FNDC7: variants seen among roughly 807,000 people sequenced by gnomAD.
The protein encoded by FNDC7 is fibronectin type III domain containing 7.
In FNDC7, 66 loss-of-function variants were observed where a neutral mutation model predicts 74.2. The observed-to-expected ratio is 0.89, with a 90% CI of 0.73 to 1.09. The LOEUF (loss-of-function observed/expected upper bound fraction) is 1.09, where lower values mean the gene tolerates loss of function less well. Among genes scored for constraint, FNDC7 ranks in the 50% least tolerant of loss-of-function variants. FNDC7 has a pLI of 0.00. For synonymous variants in FNDC7, 307 were observed against 330.2 expected (o/e 0.93, Z 0.76); for missense variants, 829 against 893.4 (o/e 0.93, Z 0.92).
At chr1:108,715,105 CAGAT>C (rs1439360625) in intron 2 of FNDC7, among the ~76,000 whole-genome samples, 4 of 152,246 alleles carry the variant, frequency 2.6e-5, no homozygotes, top group Middle Eastern at 3.4e-3. Context: ...GGCTTTTCAA[CAGAT>C]AGAATGTGTT....
rs909815009 is a variant in FNDC7, at chr1:108,741,704, G to A, written c.2171-69G>A. The A allele has an allele frequency of 1.0e-5, 15 of 1,504,194 alleles. No individual in the cohort carries two copies. The Admixed American group carries it at 1.7e-4, about 17-fold the overall frequency. 93.2% of individuals were successfully genotyped at this position (1,504,194 alleles called of 1,614,324 possible). A position where few individuals can be genotyped will look rare whatever the true frequency, so the allele number is the denominator to read the frequency against. On this transcript the variant is annotated intron_variant, in intron 11 of 12. Transcript: ENST00000370017. ...ACATACACATAAAATCTCAGACACTGGTGCTTTTTAAGAAAATGTCTGCAT... is the reference window on the plus strand; with the variant it reads ...ACATACACATAAAATCTCAGACACTAGTGCTTTTTAAGAAAATGTCTGCAT...
chr1:108,735,787 G>GT (rs35902428), intron 10 of FNDC7, among the ~76,000 whole-genome samples: 31 of 151,502 alleles, frequency 2.0e-4, no homozygotes, highest in South Asian at 1.0e-3. Context: ...CAGAGAAATT[G>GT]TTTTTTTTTG....
intron 11 of FNDC7, among the ~76,000 whole-genome samples, chr1:108,739,728 T>C (rs1340870090): frequency 1.3e-5 from 2 of 152,168 alleles, no homozygotes; most frequent in Non-Finnish European, 2.9e-5. Flanking sequence ...TCCCAGGTGA[T>C]TTTGATACAC....
At chr1:108,716,601 T>C (rs1004248946) in intron 2 of FNDC7, among the ~76,000 whole-genome samples, 16 of 152,204 alleles carry the variant, frequency 1.1e-4, no homozygotes, top group African/African-American at 3.9e-4. Context: ...CTTTGTTCAT[T>C]TTTGCAGCAT....
chr1:108,735,568 G>A (rs1570735776), intron 10 of FNDC7, among the ~76,000 whole-genome samples: 1 of 151,888 alleles, frequency 6.6e-6, no homozygotes, highest in East Asian at 1.9e-4. Flanking sequence ...AGTAAAAAGA[G>A]GTGAAATTAA....
chr1:108,737,622 C>A (rs1016150262), intron 11 of FNDC7, 98 bp downstream of exon 11: 3 of 934,758 alleles, frequency 3.2e-6, no homozygotes, highest in African/African-American at 3.4e-5. Flanking sequence ...AAAGCAAATG[C>A]TTTCTTTCTT....
chr1:108,719,142 A>C, intron 4 of FNDC7, 93 bp downstream of exon 4: 9 of 1,399,618 alleles, frequency 6.4e-6, no homozygotes, highest in Non-Finnish European at 8.8e-6. Context: ...GTTACATGAC[A>C]AGTACAGAGC....
rs141850435 is a variant in FNDC7, at chr1:108,716,320, GGTGTGTGTGT to G, written c.83-1410_83-1401del. Among the ~76,000 whole-genome samples the G allele has an allele frequency of 7.9e-3, 760 of 95,746 alleles. 7 individuals carry two copies. The highest frequency in any genetic ancestry group is 0.022 in the African/African-American group (569 of 26,196). The allele number at this position is 95,746 out of a possible 152,430, so 62.8% of individuals were successfully genotyped here. ...TCATTAGCTTGGGGAGCAGAAGAGA[GGTGTGTGTGT>G]GTGTGTGTGTGTGTGTGTGTGTGTG... is the stretch of plus-strand genomic sequence containing the variant. On this transcript the variant is annotated intron_variant, in intron 2 of 12. Transcript: ENST00000370017.
intron 10 of FNDC7, chr1:108,734,185 T>C (rs1661457999): frequency 6.6e-6 from 1 of 152,236 alleles, no homozygotes; most frequent in Non-Finnish European, 1.5e-5. Context: ...ATGATAGACA[T>C]CCTGGGATGT....
intron 9 of FNDC7, among the ~76,000 whole-genome samples, chr1:108,732,050 T>G (rs1322373432): frequency 6.6e-6 from 1 of 152,102 alleles, no homozygotes; most frequent in Admixed American, 6.5e-5. Context: ...CTCAAGGTAT[T>G]TAGAAAAGGA....
chr1:108,721,775 C>T (rs1661098144), intron 4 of FNDC7, among the ~76,000 whole-genome samples: 1 of 152,160 alleles, frequency 6.6e-6, no homozygotes, highest in Non-Finnish European at 1.5e-5. Flanking sequence ...TCCTTCCTTC[C>T]TTTTGATAAT....
chr1:108,727,663 G>A lies in FNDC7; in HGVS notation c.1112-145G>A, dbSNP rs544211450. On this transcript the variant is annotated intron_variant, in intron 6 of 12. Coordinates refer to ENST00000370017, the MANE Select transcript of FNDC7 (RefSeq NM_001144937.3). ...TGCAGTGGCAATTAGGCCAAGATTG[G>A]ACCTTGACAGACCCATAGGGAGTCA... 6 of 931,536 alleles carry A rather than the reference G, an allele frequency of 6.4e-6. No individual in the cohort carries two copies. The African/African-American group carries it at 9.8e-5, about 15-fold the overall frequency. The allele number at this position is 931,536 out of a possible 1,614,324, so 57.7% of individuals were successfully genotyped here.
chr1:108,733,649 CTTTTTTTTTTTTT>C (rs397981150), intron 10 of FNDC7, 117 bp downstream of exon 10: 1 of 575,148 alleles, frequency 1.7e-6, no homozygotes, highest in East Asian at 4.6e-5. Context: ...AAATTTCTTT[CTTTTTTTTTTTTT>C]TTTTTTTTGA....
Position 108,730,586 on chromosome 1 carries a change from A to G in FNDC7, c.1625-88A>G, listed in dbSNP as rs549520490. 34 of 1,434,558 alleles carry G rather than the reference A, an allele frequency of 2.4e-5. No homozygotes were observed. The African/African-American group carries it at 4.3e-4, about 18-fold the overall frequency. 88.9% of individuals were successfully genotyped at this position (1,434,558 alleles called of 1,614,324 possible). A position where few individuals can be genotyped will look rare whatever the true frequency, so the allele number is the denominator to read the frequency against. On this transcript the variant is annotated intron_variant, in intron 8 of 12. Transcript: ENST00000370017. ...GGGAATGTAGGATATTGAGTGAAAC[A>G]CAGGCAAAATACCATTCTTTATCAT... is the stretch of plus-strand genomic sequence containing the variant.
chr1:108,733,515 C>T lies in FNDC7; in HGVS notation c.2123C>T (p.Pro708Leu), dbSNP rs749508293. Residue 708 changes from proline (P) to leucine (L), a missense_variant, in exon 10 of 13, where the codon CCA becomes CTA. Pro to Leu is a moderately conservative substitution (Grantham distance 98). Transcript: ENST00000370017. ...AKTGLKLTFC[P>L]KKIYSVTCSG... ...ACAGGATTGAAGCTTACTTTCTGTCCAAAAAAAATATATTCAGGTAAAGCA... is the reference window on the plus strand; with the variant it reads ...ACAGGATTGAAGCTTACTTTCTGTCTAAAAAAAATATATTCAGGTAAAGCA... 59 of 1,608,030 alleles carry T rather than the reference C, an allele frequency of 3.7e-5. No homozygotes were observed. In the Middle Eastern group the frequency reaches 6.7e-4, roughly 18 times the overall value.
chr1:108,713,501 T>C lies in FNDC7; in HGVS notation c.64-10T>C. ...TGTGTGGTTCTAATTTTCCAAACTTTCCTTTTCAGGTTGCTTCAGCAAAAT... is the reference window on the plus strand; with the variant it reads ...TGTGTGGTTCTAATTTTCCAAACTTCCCTTTTCAGGTTGCTTCAGCAAAAT... On this transcript the variant is annotated splice_polypyrimidine_tract_variant and intron_variant, in intron 1 of 12. Transcript: ENST00000370017. 1.9e-6 allele frequency: 3 copies of C among 1,549,956 alleles called. No individual in the cohort carries two copies. The highest frequency in any genetic ancestry group is 2.6e-6 in the Non-Finnish European group (3 of 1,146,450).
Position 108,730,717 on chromosome 1 carries a change from G to T in FNDC7, c.1668G>T (p.Gln556His). 1 of 1,606,264 alleles carries T rather than the reference G, an allele frequency of 6.2e-7. No individual in the cohort carries two copies. The change falls in exon 9 of 13, where the codon CAG becomes CAT. Residue 556 changes from glutamine to histidine, a missense_variant. By Grantham distance (24) the Gln-to-His change is conservative. Transcript: ENST00000370017. ...GTCTGACAGTAACTCAAATCACCCAGTCAGTAATCAACGTGAGCTGGACTA... is the reference window on the plus strand; with the variant it reads ...GTCTGACAGTAACTCAAATCACCCATTCAGTAATCAACGTGAGCTGGACTA... ...PTGLTVTQIT[Q>H]SVINVSWTIG...
intron 2 of FNDC7, among the ~76,000 whole-genome samples, chr1:108,714,850 C>T (rs1269227775): frequency 2.6e-5 from 4 of 152,060 alleles, no homozygotes; most frequent in Admixed American, 2.0e-4. Flanking sequence ...GCCTCGGCCT[C>T]CCAAAGTGCT....
At chr1:108,733,576 C>G (rs1254411000) in intron 10 of FNDC7, 44 bp downstream of exon 10, 3 of 1,572,718 alleles carry the variant, frequency 1.9e-6, no homozygotes, top group Non-Finnish European at 2.6e-6. Flanking sequence ...ACCCTGAACT[C>G]ATATCTGTGA....
Sources: allele counts gnomAD v4.1 joint callset (sites outside exome capture counted in the v4.1 genomes callset), GRCh38; gene constraint gnomAD v4.1.1; transcripts MANE v1.5; gene names NCBI Gene and HGNC (gene_info 2026-07-23, HGNC 2026-07-21).